Variants in SNX7 observed in about 807,000 individuals in gnomAD.
SNX7 encodes the protein sorting nexin 7.
SNX7 carries 35 observed loss-of-function variants against 48.4 expected under a neutral mutation model. The observed-to-expected ratio is 0.72, with a 90% CI of 0.55 to 0.96. The LOEUF (loss-of-function observed/expected upper bound fraction) is 0.96. Ranked by LOEUF, SNX7 falls within the 40% of genes least tolerant of loss-of-function variation. The pLI is 0.00. For synonymous variants in SNX7, 190 were observed against 190.2 expected, an observed-to-expected ratio of 1.00 and a Z score of 0.01; for missense variants, 553 against 548.9, an observed-to-expected ratio of 1.01 and a Z score of -0.07.
chr1:98,705,539 T>C (rs981954832), intron 7 of SNX7, among the ~76,000 whole-genome samples: 3 of 152,210 alleles, frequency 2.0e-5, no homozygotes, highest in African/African-American at 7.2e-5. Flanking sequence ...GTCATTTTGA[T>C]GACAGTATAG....
intron 3 of SNX7, 51 bp downstream of exon 3, chr1:98,691,236 G>A (rs1376076755): frequency 1.8e-6 from 2 of 1,130,658 alleles, no homozygotes; most frequent in Non-Finnish European, 2.6e-6. Context: ...GTTTTCTAGT[G>A]AGTCTTTTTG....
At chr1:98,700,606 A>G (rs951500084) in intron 6 of SNX7, among the ~76,000 whole-genome samples, 1 of 151,578 alleles carries the variant, frequency 6.6e-6, no homozygotes, top group African/African-American at 2.4e-5. Context: ...GTGTAGAGGC[A>G]TAATCATAGC....
chr1:98,684,205 G>C (rs753279738), intron 1 of SNX7, among the ~76,000 whole-genome samples: 2 of 152,076 alleles, frequency 1.3e-5, no homozygotes, highest in Non-Finnish European at 2.9e-5. Flanking sequence ...ACCACTTGAC[G>C]ATCAGATCTC....
At chr1:98,701,056 A>G (rs1441621557) in intron 6 of SNX7, among the ~76,000 whole-genome samples, 1 of 152,214 alleles carries the variant, frequency 6.6e-6, no homozygotes, top group African/African-American at 2.4e-5. Context: ...GAGTCCTTGT[A>G]TCCTTAAAGT....
intron 1 of SNX7, among the ~76,000 whole-genome samples, chr1:98,671,212 T>G (rs1649845243): frequency 6.6e-6 from 1 of 152,180 alleles, no homozygotes; most frequent in Non-Finnish European, 1.5e-5. Context: ...TTAAACATTT[T>G]CATTGGAGTC....
Position 98,691,937 on chromosome 1 carries a change from A to ACACTCTCTCTCT in SNX7, c.639+239_639+240insACTCTCTCTCTC, listed in dbSNP as rs376006567. Among the ~76,000 whole-genome samples the ACACTCTCTCTCT allele has an allele frequency of 1.9e-3, 254 of 131,150 alleles. 1 individual carries two copies. Among genetic ancestry groups the ACACTCTCTCTCT allele is most frequent in the Middle Eastern group, 4.0e-3 (1 of 248 alleles). The allele number at this position is 131,150 out of a possible 152,430, so 86.0% of individuals were successfully genotyped here. ...TATACACACACACACACACACACACACTCTCTCTCTCTCTCTCTCTCTCTC... is the reference window on the plus strand; with the variant it reads ...TATACACACACACACACACACACACACACTCTCTCTCTCTCTCTCTCTCTCTCTCTCTCTCTC... On this transcript the variant is annotated intron_variant, in intron 4 of 8. Coordinates refer to ENST00000306121, the MANE Select transcript of SNX7 (RefSeq NM_015976.5).
At chr1:98,699,469 A>G (rs923333707) in intron 6 of SNX7, among the ~76,000 whole-genome samples, 2 of 152,100 alleles carry the variant, frequency 1.3e-5, no homozygotes, top group African/African-American at 4.8e-5. Context: ...GTTTCCAGAT[A>G]TTTGGAATTT....
At chr1:98,673,788 G>A (rs1650008578) in intron 1 of SNX7, among the ~76,000 whole-genome samples, 1 of 152,086 alleles carries the variant, frequency 6.6e-6, no homozygotes, top group African/African-American at 2.4e-5. Flanking sequence ...TGTAAAATAT[G>A]GACAATGATA....
At chr1:98,755,117 T>A (rs1570617545) in intron 8 of SNX7, among the ~76,000 whole-genome samples, 1 of 152,172 alleles carries the variant, frequency 6.6e-6, no homozygotes, top group African/African-American at 2.4e-5. Context: ...TTTAAAGATA[T>A]CTTTCTGGTA....
At chr1:98,743,986 A>C (rs1159732982) in intron 8 of SNX7, among the ~76,000 whole-genome samples, 1 of 152,066 alleles carries the variant, frequency 6.6e-6, no homozygotes, top group African/African-American at 2.4e-5. Flanking sequence ...ATTTCATTCT[A>C]TTCAAAACTG....
intron 8 of SNX7, among the ~76,000 whole-genome samples, chr1:98,759,134 C>G (rs140076343): frequency 1.4e-3 from 210 of 151,778 alleles, no homozygotes; most frequent in African/African-American, 4.9e-3. Context: ...GTAGTTGAGC[C>G]AGGTGGACCA....
intron 3 of SNX7, 28 bp downstream of exon 3, chr1:98,691,213 AGAATAGC>A (rs1557799928): frequency 6.9e-7 from 1 of 1,439,190 alleles, no homozygotes; most frequent in African/African-American, 1.4e-5. Context: ...TTTTTTTCAT[AGAATAGC>A]TACCAGTTTT....
At chr1:98,705,567 G>C (rs1651965793) in intron 7 of SNX7, among the ~76,000 whole-genome samples, 1 of 152,082 alleles carries the variant, frequency 6.6e-6, no homozygotes, top group African/African-American at 2.4e-5. Flanking sequence ...GTTTGAGATT[G>C]GTCCTATAAA....
chr1:98,685,483 C>T (rs949523698), intron 2 of SNX7, among the ~76,000 whole-genome samples: 3 of 152,036 alleles, frequency 2.0e-5, no homozygotes, highest in Admixed American at 6.6e-5. Context: ...CAAAGTGGGA[C>T]AGGTGGCCAC....
intron 7 of SNX7, among the ~76,000 whole-genome samples, chr1:98,723,962 CAA>C (rs66498943): frequency 1.3e-5 from 2 of 151,252 alleles, no homozygotes; most frequent in South Asian, 2.1e-4. Context: ...TGTTAGCTGG[CAA>C]AAAAAAATTA....
At chr1:98,711,476 C>A (rs1051603441) in intron 7 of SNX7, among the ~76,000 whole-genome samples, 1 of 152,152 alleles carries the variant, frequency 6.6e-6, no homozygotes, top group Non-Finnish European at 1.5e-5. Context: ...TAAAGCAAGT[C>A]ACAAGAAATT....
intron 7 of SNX7, among the ~76,000 whole-genome samples, chr1:98,705,928 A>G (rs527654993): frequency 1.3e-5 from 2 of 152,284 alleles, no homozygotes; most frequent in African/African-American, 2.4e-5. Context: ...AGGGCAGCCA[A>G]TGTTTCAAGT....
At chr1:98,681,264 T>C (rs1242621077) in intron 1 of SNX7, among the ~76,000 whole-genome samples, 1 of 152,090 alleles carries the variant, frequency 6.6e-6, no homozygotes, top group Non-Finnish European at 1.5e-5. Context: ...TTCAATTATC[T>C]CCCACCAGTT....
chr1:98,758,811 T>C (rs1231518258), intron 8 of SNX7, among the ~76,000 whole-genome samples: 1 of 152,058 alleles, frequency 6.6e-6, no homozygotes, highest in Non-Finnish European at 1.5e-5. Context: ...ATTATTAGCT[T>C]CCTAAGTTAT....
Sources: gnomAD v4.1 joint callset for allele counts (sites outside exome capture counted in the v4.1 genomes callset) on GRCh38, gnomAD v4.1.1 for gene constraint, MANE v1.5 for transcripts, NCBI Gene and HGNC (gene_info 2026-07-23, HGNC 2026-07-21) for gene names.